Variants in OSCP1 observed in about 807,000 individuals in gnomAD.
The protein encoded by OSCP1 is protein OSCP1.
A neutral mutation model predicts 45.1 loss-of-function variants in OSCP1; 35 were observed. The observed-to-expected ratio is 0.78, with a 90% CI of 0.59 to 1.03. The LOEUF (loss-of-function observed/expected upper bound fraction) is 1.03, where lower values mean the gene tolerates loss of function less well. Among genes scored for constraint, OSCP1 ranks in the 50% least tolerant of loss-of-function variants. OSCP1 has a pLI of 0.00. For synonymous variants in OSCP1, 179 were observed against 180.1 expected (o/e 0.99, Z 0.05); for missense variants, 400 against 470.7 (o/e 0.85, Z 1.39).
chr1:36,423,564 C>G, intron 4 of OSCP1, 98 bp from the exon 5 acceptor site: 2 of 939,720 alleles, frequency 2.1e-6, no homozygotes, highest in South Asian at 3.1e-5. Flanking sequence ...GGAACATGAC[C>G]TATGAGTTTA....
At chr1:36,443,711 T>G (rs966215752) in intron 1 of OSCP1, among the ~76,000 whole-genome samples, 1 of 152,246 alleles carries the variant, frequency 6.6e-6, no homozygotes, top group African/African-American at 2.4e-5. Context: ...GTATGGCTAT[T>G]GCCCCAGCTG....
intron 1 of OSCP1, among the ~76,000 whole-genome samples, chr1:36,446,452 A>G (rs1308510979): frequency 6.6e-6 from 1 of 152,234 alleles, no homozygotes; most frequent in Admixed American, 6.5e-5. Flanking sequence ...TCTGAAGGAC[A>G]GTGACTCTCG....
intron 1 of OSCP1, among the ~76,000 whole-genome samples, chr1:36,441,801 A>G (rs1339861372): frequency 6.7e-6 from 1 of 149,564 alleles, no homozygotes; most frequent in Non-Finnish European, 1.5e-5. Context: ...TTTTCCCTTC[A>G]TCCTAACATC....
intron 1 of OSCP1, among the ~76,000 whole-genome samples, chr1:36,445,178 C>T (rs1649440681): frequency 1.3e-5 from 2 of 152,280 alleles, no homozygotes; most frequent in Non-Finnish European, 2.9e-5. Flanking sequence ...GGTGAAACCT[C>T]ATCTCTACAA....
rs764117098 is a variant in OSCP1 at position 36,418,193 on chromosome 1, T to C, written c.1086A>G (p.Pro362=). ...CGTCCCCTTTGCTGGTGCTCAGCCT[T>C]GGCTGCTCCGTGATCTCAAACTCCC... is the stretch of plus-strand genomic sequence containing the variant. ...IMGEFEITEQ[P]RLSTSKGDDL... is the part of the protein sequence containing the mutation. The change falls in exon 10 of 10, where the codon CCA becomes CCG. Residue 362 remains proline (P), a synonymous_variant. Transcript: ENST00000235532. The C allele has an allele frequency of 6.2e-7, 1 of 1,614,190 alleles. No homozygotes were observed.
At chr1:36,432,157 A>C (rs1273743842) in intron 3 of OSCP1, among the ~76,000 whole-genome samples, 1 of 152,116 alleles carries the variant, frequency 6.6e-6, no homozygotes, top group East Asian at 1.9e-4. Flanking sequence ...ATCCACCACC[A>C]AGTCCCTTTC....
intron 1 of OSCP1, chr1:36,441,096 T>A (rs1384719453): frequency 6.6e-6 from 1 of 152,208 alleles, no homozygotes; most frequent in African/African-American, 2.4e-5. Flanking sequence ...TGGAGCACCA[T>A]GGCTCCTGGC....
chr1:36,445,048 C>T (rs1649431753), intron 1 of OSCP1, among the ~76,000 whole-genome samples: 1 of 152,126 alleles, frequency 6.6e-6, no homozygotes, highest in African/African-American at 2.4e-5. Context: ...CTATACACAT[C>T]TGTATTTCAA....
chr1:36,423,447 T>C lies in OSCP1; in HGVS notation c.536A>G (p.Asp179Gly). The change falls in exon 5 of 10, where the codon GAC (aspartate) becomes GGC (glycine). Residue 179 changes from aspartate (D) to glycine (G), a missense_variant. Asp to Gly is a moderately conservative substitution (Grantham distance 94). Coordinates refer to ENST00000235532, the MANE Select transcript of OSCP1 (RefSeq NM_145047.5). ...LHIRVSMFLKDKVQNNNGRFV... is the reference protein window; with the variant it reads ...LHIRVSMFLKGKVQNNNGRFV... The stretch of plus-strand genomic sequence containing the variant: ...GCGACCGTTATTATTCTGAACTTTG[T>C]CCTTTAGAAACATGGATACCTGGAA... The C allele has an allele frequency of 6.2e-7, 1 of 1,610,622 alleles. No individual in the cohort carries two copies.
At chr1:36,422,029 T>C (rs1471052982) in intron 7 of OSCP1, 121 bp downstream of exon 7, 3 of 934,630 alleles carry the variant, frequency 3.2e-6, no homozygotes, top group African/African-American at 3.3e-5. Context: ...ATGGAGAAGA[T>C]TGCACACAAC....
At chr1:36,439,072 G>A (rs528210600) in intron 1 of OSCP1, 162 bp from the exon 2 acceptor site, 6 of 625,628 alleles carry the variant, frequency 9.6e-6, no homozygotes, top group South Asian at 6.6e-5. Flanking sequence ...CAGGTGTCCC[G>A]GTAGAAAGCA....
Position 36,447,747 on chromosome 1 carries a change from C to T in OSCP1, c.112+2511G>A. The stretch of plus-strand genomic sequence containing the variant: ...GGTACAAAGTAAGTGCTTGATTTTT[C>T]ATTGTTTTATTGTTGATTGCTGTCA... On this transcript the variant is annotated intron_variant, in intron 1 of 9. Transcript: ENST00000235532. This position sits in a 1 kb window ranked among gnomAD's most constrained non-coding sequence, Gnocchi z 4.1. 3.8e-6 allele frequency: 1 copy of T among 265,654 alleles called. No individual in the cohort carries two copies. The highest frequency in any genetic ancestry group is 8.0e-6 in the Non-Finnish European group (1 of 124,482). 16.5% of individuals were successfully genotyped at this position (265,654 alleles called of 1,614,324 possible). A position where few individuals can be genotyped will look rare whatever the true frequency, so the allele number is the denominator to read the frequency against.
At chr1:36,422,998 C>A in intron 5 of OSCP1, 102 bp from the exon 6 acceptor site, 3 of 870,718 alleles carry the variant, frequency 3.4e-6, no homozygotes, top group Admixed American at 3.1e-5. Flanking sequence ...AATACATGCT[C>A]TCCTTCAAGA....
At chr1:36,418,531 A>G in intron 9 of OSCP1, 2 of 496,698 alleles carry the variant, frequency 4.0e-6, no homozygotes, top group Non-Finnish European at 3.6e-6. Context: ...GAGCAGGGGG[A>G]ATGACAATAC....
chr1:36,434,418 C>G (rs576051001), intron 2 of OSCP1, among the ~76,000 whole-genome samples: 10 of 152,276 alleles, frequency 6.6e-5, no homozygotes, highest in Admixed American at 5.2e-4. Context: ...ATTTCTCCTA[C>G]CTGCAGCCAA....
intron 1 of OSCP1, among the ~76,000 whole-genome samples, chr1:36,443,685 G>A (rs1649334997): frequency 6.6e-6 from 1 of 152,176 alleles, no homozygotes; most frequent in Non-Finnish European, 1.5e-5. Context: ...TACCAAATAG[G>A]ATGACATACC....
At chr1:36,440,589 T>C (rs1649066170) in intron 1 of OSCP1, among the ~76,000 whole-genome samples, 1 of 152,180 alleles carries the variant, frequency 6.6e-6, no homozygotes, top group African/African-American at 2.4e-5. Context: ...GCCCTAACAT[T>C]TCCCCACCGT....
At chr1:36,420,349 T>C in intron 8 of OSCP1, 127 bp downstream of exon 8, 2 of 1,156,106 alleles carry the variant, frequency 1.7e-6, no homozygotes, top group South Asian at 3.1e-5. Flanking sequence ...TTATTAAATT[T>C]GTTGGTATTT....
At chr1:36,421,184 G>T (rs1184331889) in intron 7 of OSCP1, among the ~76,000 whole-genome samples, 1 of 152,022 alleles carries the variant, frequency 6.6e-6, no homozygotes, top group East Asian at 1.9e-4. Flanking sequence ...AAAGCCCTCT[G>T]CCTCCTGTCG....
Sources: gnomAD v4.1 joint callset for allele counts (sites outside exome capture counted in the v4.1 genomes callset) on GRCh38, gnomAD v4.1.1 for gene constraint, Gnocchi (gnomAD v3.1) non-coding constraint, MANE v1.5 for transcripts, NCBI Gene and HGNC (gene_info 2026-07-23, HGNC 2026-07-21) for gene names.